The following KIRREL3 variants were observed in gnomAD, a reference collection of about 807,000 sequenced individuals.
The protein encoded by KIRREL3 is kirre like nephrin family adhesion molecule 3, also known as kin of IRRE-like protein 3.
In KIRREL3, 36 loss-of-function variants were observed where a neutral mutation model predicts 89.7. That is an observed-to-expected ratio of 0.40 (90% confidence interval 0.31 to 0.53). The LOEUF is 0.53. KIRREL3 is among the 20% of genes least tolerant of loss of function. The pLI is 0.49. For synonymous variants in KIRREL3, 445 were observed against 441.4 expected (o/e 1.01, Z -0.10); for missense variants, 864 against 1,056.6 (o/e 0.82, Z 2.53).
rs892394086 is a variant in KIRREL3 at position 126,475,573 on chromosome 11, G to A, written c.434-2107C>T. 1.2e-4 allele frequency among the ~76,000 whole-genome samples: 18 copies of A among 152,196 alleles called. No individual in the cohort carries two copies. Among genetic ancestry groups the A allele is most frequent in the African/African-American group, 2.9e-4 (12 of 41,448 alleles). ...GGGGCAGCGAGCCCCGGACTCCACCGAGATCCTGGCTCAGGAACAGAGTCT... is the reference window on the plus strand; with the variant it reads ...GGGGCAGCGAGCCCCGGACTCCACCAAGATCCTGGCTCAGGAACAGAGTCT... On this transcript the variant is annotated intron_variant, in intron 4 of 16. Transcript: ENST00000525144. The surrounding 1 kb of genome is among the most constrained non-coding windows in gnomAD (Gnocchi z 7.5).
chr11:126,542,531 C>T (rs1250472600), intron 2 of KIRREL3, among the ~76,000 whole-genome samples: 1 of 152,118 alleles, frequency 6.6e-6, no homozygotes, highest in Non-Finnish European at 1.5e-5. Context: ...AAAAAAAACA[C>T]TCAACCCAAG....
In KIRREL3 at chr11:126,605,208, G is replaced by A. The variant is rs762241194; in HGVS notation, c.56-42296C>T. 6.6e-6 allele frequency among the ~76,000 whole-genome samples: 1 copy of A among 152,102 alleles called. No homozygotes were observed. The highest frequency in any genetic ancestry group is 6.5e-5 in the Admixed American group (1 of 15,274). On this transcript the variant is annotated intron_variant, in intron 1 of 16. Coordinates refer to ENST00000525144, the MANE Select transcript of KIRREL3 (RefSeq NM_032531.4). The surrounding 1 kb of genome is among the most constrained non-coding windows in gnomAD (Gnocchi z 5.7). The stretch of plus-strand genomic sequence containing the variant: ...CCATGGATAACTATATCTAGGGACC[G>A]ACTCCTGGGATCTTACCAAGTCACA...
intron 1 of KIRREL3, among the ~76,000 whole-genome samples, chr11:126,927,569 T>C (rs1947773785): frequency 2.0e-5 from 3 of 152,236 alleles, no homozygotes; most frequent in Admixed American, 2.0e-4. Context: ...GGTCTACTTT[T>C]ACAGAAAATG....
Position 126,976,034 on chromosome 11 carries a change from A to C in KIRREL3, c.55+24421T>G, listed in dbSNP as rs990944487. On this transcript the variant is annotated intron_variant, in intron 1 of 16. Transcript: ENST00000525144. This position sits in a 1 kb window ranked among gnomAD's most constrained non-coding sequence, Gnocchi z 4.2. The stretch of plus-strand genomic sequence containing the variant: ...GTGGCTCTCAGGACAGAGCATACCC[A>C]TTCCAGATGTGGGTCACATCAGCAG... Among the ~76,000 whole-genome samples, 2 of 150,534 alleles carry C rather than the reference A, an allele frequency of 1.3e-5. No homozygotes were observed. Among genetic ancestry groups the C allele is most frequent in the African/African-American group, 4.9e-5 (2 of 40,842 alleles).
Position 126,985,647 on chromosome 11 carries a change from C to T in KIRREL3, c.55+14808G>A, listed in dbSNP as rs573373951. On this transcript the variant is annotated intron_variant, in intron 1 of 16. Transcript: ENST00000525144. This position sits in a 1 kb window ranked among gnomAD's most constrained non-coding sequence, Gnocchi z 5.3. The stretch of plus-strand genomic sequence containing the variant: ...GCAGAGCACATTCGGACAATGTCAG[C>T]GGCTCCGTGTGTTGGAGTAAAGGGG... Among the ~76,000 whole-genome samples, 4 of 152,146 alleles carry T rather than the reference C, an allele frequency of 2.6e-5. No homozygotes were observed. Among genetic ancestry groups the T allele is most frequent in the East Asian group, 1.9e-4 (1 of 5,164 alleles).
chr11:126,706,452 G>A (rs1271058126), intron 1 of KIRREL3, among the ~76,000 whole-genome samples: 1 of 152,184 alleles, frequency 6.6e-6, no homozygotes, highest in Non-Finnish European at 1.5e-5. Context: ...TAGACATCCT[G>A]TGTGTGGATA....
chr11:126,505,466 G>T (rs998958290), intron 4 of KIRREL3, among the ~76,000 whole-genome samples: 1 of 152,124 alleles, frequency 6.6e-6, no homozygotes, highest in African/African-American at 2.4e-5. Context: ...AGCTACTCAG[G>T]AGGCTGAGGC....
Position 126,989,640 on chromosome 11 carries a change from A to G in KIRREL3, c.55+10815T>C, listed in dbSNP as rs908655719. On this transcript the variant is annotated intron_variant, in intron 1 of 16. Transcript: ENST00000525144. This position sits in a 1 kb window ranked among gnomAD's most constrained non-coding sequence, Gnocchi z 6.2. ...CTCGGGATCTCAGACACATCTCGTCACAATTATCAAGTGGCAAAAAAGGTG... is the reference window on the plus strand; with the variant it reads ...CTCGGGATCTCAGACACATCTCGTCGCAATTATCAAGTGGCAAAAAAGGTG... Among the ~76,000 whole-genome samples the G allele has an allele frequency of 6.6e-6, 1 of 152,110 alleles. No homozygotes were observed. Among genetic ancestry groups the G allele is most frequent in the African/African-American group, 2.4e-5 (1 of 41,414 alleles).
chr11:126,662,906 C>CTTTTTTTTT lies in KIRREL3; in HGVS notation c.56-100003_56-99995dup, dbSNP rs756193928. Among the ~76,000 whole-genome samples, 64 of 91,884 alleles carry CTTTTTTTTT rather than the reference C, an allele frequency of 7.0e-4. 2 individuals are homozygous for CTTTTTTTTT. The highest frequency in any genetic ancestry group is 1.1e-3 in the Non-Finnish European group (51 of 47,616). 60.3% of individuals were successfully genotyped at this position (91,884 alleles called of 152,430 possible). A position where few individuals can be genotyped will look rare whatever the true frequency, so the allele number is the denominator to read the frequency against. On this transcript the variant is annotated intron_variant, in intron 1 of 16. Transcript: ENST00000525144. ...GATTTTACTTTTTCCAAAGTCCTTTCTTTTTTTTTTTTTTTTTTTTTGCTC... is the reference window on the plus strand; with the variant it reads ...GATTTTACTTTTTCCAAAGTCCTTTCTTTTTTTTTTTTTTTTTTTTTTTTTTTTTTGCTC...
chr11:126,818,768 T>G (rs1234321253), intron 1 of KIRREL3, among the ~76,000 whole-genome samples: 2 of 149,420 alleles, frequency 1.3e-5, no homozygotes, highest in Non-Finnish European at 3.0e-5. Flanking sequence ...CTCCCCATTG[T>G]GTAGACTCTG....
At chr11:126,979,044 T>C (rs944690570) in intron 1 of KIRREL3, among the ~76,000 whole-genome samples, 2 of 152,136 alleles carry the variant, frequency 1.3e-5, no homozygotes, top group African/African-American at 4.8e-5. Flanking sequence ...CCAAACACAG[T>C]GAAAAGCGCA....
chr11:126,456,732 C>T (rs1956357196), intron 6 of KIRREL3, among the ~76,000 whole-genome samples: 2 of 152,116 alleles, frequency 1.3e-5, no homozygotes, highest in South Asian at 4.2e-4. Flanking sequence ...TTCCCATCCT[C>T]CAACTTTTGG....
At position 126,720,765 on chromosome 11, in the gene KIRREL3, T is replaced by C. The variant is rs1387056295; in HGVS notation, c.56-157853A>G. ...CATGAGAGAGAAAGGAATTGGCTTG[T>C]GGCTGGGCCAGGGCACATGCAAATG... On this transcript the variant is annotated intron_variant, in intron 1 of 16. Transcript: ENST00000525144. Among the ~76,000 whole-genome samples the C allele has an allele frequency of 2.0e-5, 3 of 152,176 alleles. No individual in the cohort carries two copies. The East Asian group carries it at 5.8e-4, about 29-fold the overall frequency.
chr11:126,884,021 T>C (rs1195099847), intron 1 of KIRREL3, among the ~76,000 whole-genome samples: 2 of 152,168 alleles, frequency 1.3e-5, no homozygotes, highest in Non-Finnish European at 2.9e-5. Context: ...TGACAAGTGA[T>C]TGCAATGATC....
At chr11:126,539,937 TACTCC>T (rs1938220578) in intron 2 of KIRREL3, among the ~76,000 whole-genome samples, 1 of 152,250 alleles carries the variant, frequency 6.6e-6, no homozygotes, top group Admixed American at 6.5e-5. Context: ...GGGACAAGGT[TACTCC>T]AGTCTGGGAG....
In KIRREL3 at chr11:126,788,056, A is replaced by T. The variant is rs1950533517; in HGVS notation, c.55+212399T>A. Among the ~76,000 whole-genome samples, 1 of 152,208 alleles carries T rather than the reference A, an allele frequency of 6.6e-6. No homozygotes were observed. The highest frequency in any genetic ancestry group is 2.4e-5 in the African/African-American group (1 of 41,440). On this transcript the variant is annotated intron_variant, in intron 1 of 16. Coordinates refer to ENST00000525144, the MANE Select transcript of KIRREL3 (RefSeq NM_032531.4). The surrounding 1 kb of genome is among the most constrained non-coding windows in gnomAD (Gnocchi z 4.1). ...TCAAGTCAATTGCCCCAGCTGATCCATGACCAACTTGGTAGCCCGGCTCTG... is the reference window on the plus strand; with the variant it reads ...TCAAGTCAATTGCCCCAGCTGATCCTTGACCAACTTGGTAGCCCGGCTCTG...
At chr11:126,667,916 G>A (rs895296883) in intron 1 of KIRREL3, among the ~76,000 whole-genome samples, 1 of 152,054 alleles carries the variant, frequency 6.6e-6, no homozygotes, top group Non-Finnish European at 1.5e-5. Flanking sequence ...TTAAAATCCT[G>A]GAGCTCTTGC....
At chr11:126,794,947 T>C (rs907849279) in intron 1 of KIRREL3, among the ~76,000 whole-genome samples, 12 of 152,346 alleles carry the variant, frequency 7.9e-5, no homozygotes, top group African/African-American at 1.9e-4. Flanking sequence ...CAAAAATACA[T>C]GGACAACTTA....
chr11:126,961,934 A>G (rs941442044), intron 1 of KIRREL3, among the ~76,000 whole-genome samples: 1 of 152,252 alleles, frequency 6.6e-6, no homozygotes, highest in African/African-American at 2.4e-5. Flanking sequence ...AGGCTGAAGG[A>G]CAGCACATCT....
Sources: allele counts gnomAD v4.1 joint callset (sites outside exome capture counted in the v4.1 genomes callset), GRCh38; gene constraint gnomAD v4.1.1; non-coding constraint Gnocchi (gnomAD v3.1); transcripts MANE v1.5; gene names NCBI Gene and HGNC (gene_info 2026-07-23, HGNC 2026-07-21).